CASS4: variants seen among roughly 807,000 people sequenced by gnomAD.
CASS4 encodes the protein cas scaffolding protein family member 4.
CASS4 carries 22 observed loss-of-function variants against 54.2 expected under a neutral mutation model. The observed-to-expected ratio is 0.41, with a 90% CI of 0.29 to 0.58. The LOEUF (loss-of-function observed/expected upper bound fraction) is 0.58. Among genes scored for constraint, CASS4 ranks in the 20% least tolerant of loss-of-function variants. CASS4 has a pLI of 0.36. For missense variants in CASS4, 854 were observed against 986.7 expected (o/e 0.87, Z 1.80); for synonymous variants, 409 against 391.5 (o/e 1.04, Z -0.53).
At chr20:56,449,996 T>A (rs1278565199) in intron 3 of CASS4, among the ~76,000 whole-genome samples, 2 of 150,484 alleles carry the variant, frequency 1.3e-5, no homozygotes, top group Non-Finnish European at 3.0e-5. Flanking sequence ...CAGTTAAGGC[T>A]CTCTTGTTTG....
rs1981410062 is a variant in CASS4, at chr20:56,458,429, G to A, written c.2043G>A (p.Gly681=). ...RLSEHCRLYF[G]ALFKAISAFH... Reference sequence around the variant, plus strand: ...CTGAACACTGCCGGCTCTACTTTGGGGCGCTCTTCAAAGCCATCAGCGCAT... The same window carrying A: ...CTGAACACTGCCGGCTCTACTTTGGAGCGCTCTTCAAAGCCATCAGCGCAT... Residue 681 remains glycine (G), a synonymous_variant, in exon 6 of 6, where the codon GGG becomes GGA. Transcript: ENST00000679887. 3.7e-6 allele frequency: 6 copies of A among 1,614,052 alleles called. No individual in the cohort carries two copies. The highest frequency in any genetic ancestry group is 5.1e-6 in the Non-Finnish European group (6 of 1,180,028).
rs1236463743 is a variant in CASS4, at chr20:56,460,050, T to C, written c.*1303T>C. On this transcript the variant is annotated 3_prime_UTR_variant, in exon 6 of 6. Coordinates refer to ENST00000679887, the MANE Select transcript of CASS4 (RefSeq NM_020356.4). ...AGAGTAAGTTTTTTGTTGTTTTGAA[T>C]TGAATTAGTTCTGTGAGATTGGTAC... The C allele has an allele frequency of 6.6e-6, 1 of 152,552 alleles. No homozygotes were observed. Among genetic ancestry groups the C allele is most frequent in the Admixed American group, 6.5e-5 (1 of 15,278 alleles). 9.4% of individuals were successfully genotyped at this position (152,552 alleles called of 1,614,324 possible).
At chr20:56,448,144 A>C (rs1463150757) in intron 3 of CASS4, among the ~76,000 whole-genome samples, 1 of 77,570 alleles carries the variant, frequency 1.3e-5, no homozygotes, top group East Asian at 9.8e-4. Flanking sequence ...TCTGTCTCAA[A>C]AAAAAAAAAA....
chr20:56,437,715 C>T lies in CASS4; in HGVS notation c.459+129C>T, dbSNP rs1600760580. 1.2e-6 allele frequency: 1 copy of T among 860,152 alleles called. No individual in the cohort carries two copies. The allele number at this position is 860,152 out of a possible 1,614,324, so 53.3% of individuals were successfully genotyped here. On this transcript the variant is annotated intron_variant, in intron 2 of 5. Transcript: ENST00000679887. This position sits in a 1 kb window ranked among gnomAD's most constrained non-coding sequence, Gnocchi z 4.7. The stretch of plus-strand genomic sequence containing the variant: ...AACGGGAGCCCAGATTGCTGGCAAT[C>T]ACGCTCGGGGAGCTTGTGTGCCAGG...
intron 2 of CASS4, among the ~76,000 whole-genome samples, chr20:56,445,234 C>T (rs1980650223): frequency 1.3e-5 from 2 of 152,192 alleles, no homozygotes; most frequent in Non-Finnish European, 2.9e-5. Context: ...TCTCCCTCCT[C>T]CCCTCCCTCG....
At chr20:56,423,493 ATATTC>A (rs1569137293) in intron 1 of CASS4, among the ~76,000 whole-genome samples, 1 of 152,166 alleles carries the variant, frequency 6.6e-6, no homozygotes, top group African/African-American at 2.4e-5. Flanking sequence ...TTAGAAAGTT[ATATTC>A]TATTCTATTA....
chr20:56,450,800 G>A (rs577479252), intron 4 of CASS4, 121 bp downstream of exon 4: 33 of 829,778 alleles, frequency 4.0e-5, no homozygotes, highest in African/African-American at 2.7e-4. Context: ...TTGAGAGGCC[G>A]AGGTGAGTGC....
At chr20:56,451,765 C>T (rs1340720711) in intron 4 of CASS4, 54 bp from the exon 5 acceptor site, 8 of 1,351,782 alleles carry the variant, frequency 5.9e-6, no homozygotes, top group South Asian at 5.2e-5. Flanking sequence ...ACAACGCACT[C>T]GCGCCCTCTT....
upstream of CASS4, chr20:56,412,130 C>T (rs186368328): frequency 6.3e-4 from 190 of 302,838 alleles, 2 homozygotes; most frequent in East Asian, 0.014. This position sits in a 1 kb window ranked among gnomAD's most constrained non-coding sequence, Gnocchi z 4.2. Context: ...GTGTTTTTTT[C>T]TTCTTCTTCT....
intron 2 of CASS4, among the ~76,000 whole-genome samples, chr20:56,443,613 A>T (rs538454778): frequency 6.6e-6 from 1 of 152,070 alleles, no homozygotes; most frequent in Non-Finnish European, 1.5e-5. Flanking sequence ...GAGCAGAGGA[A>T]CCATGAGGCA....
chr20:56,420,364 T>G (rs1466739004), intron 1 of CASS4, among the ~76,000 whole-genome samples: 1 of 152,014 alleles, frequency 6.6e-6, no homozygotes, highest in Non-Finnish European at 1.5e-5. Flanking sequence ...AAGTGAAAAG[T>G]GCTTTGTGGA....
At chr20:56,439,268 C>T (rs1980345988) in intron 2 of CASS4, among the ~76,000 whole-genome samples, 1 of 151,952 alleles carries the variant, frequency 6.6e-6, no homozygotes, top group African/African-American at 2.4e-5. Flanking sequence ...TCATGGCCTC[C>T]AGCAATCCTC....
At chr20:56,441,968 C>T (rs1253911998) in intron 2 of CASS4, among the ~76,000 whole-genome samples, 1 of 152,214 alleles carries the variant, frequency 6.6e-6, no homozygotes, top group Non-Finnish European at 1.5e-5. Context: ...CCTCCCTGCT[C>T]ATGTCATCTA....
chr20:56,458,827 A>G lies in CASS4; in HGVS notation c.*80A>G. 7.2e-7 allele frequency: 1 copy of G among 1,388,990 alleles called. No homozygotes were observed. Among genetic ancestry groups the G allele is most frequent in the Non-Finnish European group, 9.7e-7 (1 of 1,034,954 alleles). 86.0% of individuals were successfully genotyped at this position (1,388,990 alleles called of 1,614,324 possible). A position where few individuals can be genotyped will look rare whatever the true frequency, so the allele number is the denominator to read the frequency against. The stretch of plus-strand genomic sequence containing the variant: ...TTGTGCAACTCTGCCCTATGGGAAA[A>G]GCCAGCCGGGGCATACACCAATGAG... On this transcript the variant is annotated 3_prime_UTR_variant, in exon 6 of 6. Transcript: ENST00000679887.
At chr20:56,455,050 A>G (rs1981226462) in intron 5 of CASS4, among the ~76,000 whole-genome samples, 1 of 152,078 alleles carries the variant, frequency 6.6e-6, no homozygotes, top group South Asian at 2.1e-4. Context: ...TTCTGATTTA[A>G]TGTTTCTGAT....
At chr20:56,439,642 C>T (rs1980365438) in intron 2 of CASS4, among the ~76,000 whole-genome samples, 1 of 151,862 alleles carries the variant, frequency 6.6e-6, no homozygotes, top group Admixed American at 6.6e-5. Context: ...CTACGGCGCC[C>T]CTGCACTCCA....
chr20:56,420,707 TGA>T (rs748956463), intron 1 of CASS4, among the ~76,000 whole-genome samples: 39 of 151,904 alleles, frequency 2.6e-4, no homozygotes, highest in Admixed American at 2.6e-4. Context: ...GGTTCAAAAG[TGA>T]GAGTCTCCCC....
At chr20:56,451,712 T>C (rs1366207013) in intron 4 of CASS4, 107 bp from the exon 5 acceptor site, 21 of 795,336 alleles carry the variant, frequency 2.6e-5, no homozygotes, top group Non-Finnish European at 4.1e-5. Context: ...GTAACAGAAA[T>C]GGGGAGCCAC....
At chr20:56,436,401 T>A (rs1980169202) in intron 1 of CASS4, among the ~76,000 whole-genome samples, 1 of 148,612 alleles carries the variant, frequency 6.7e-6, no homozygotes, top group South Asian at 2.1e-4. Context: ...GGATATATGT[T>A]GGGTACATAT....
Sources: allele counts gnomAD v4.1 joint callset (sites outside exome capture counted in the v4.1 genomes callset), GRCh38; gene constraint gnomAD v4.1.1; non-coding constraint Gnocchi (gnomAD v3.1); transcripts MANE v1.5; gene names NCBI Gene and HGNC (gene_info 2026-07-23, HGNC 2026-07-21).